Variants in CNTNAP2 observed in about 807,000 individuals in gnomAD.
CNTNAP2 encodes contactin associated protein 2, also known as contactin-associated protein-like 2.
Under a neutral mutation model 155.2 loss-of-function variants are expected in CNTNAP2, and 98 were observed. That is an observed-to-expected ratio of 0.63 (90% CI 0.54 to 0.75). The LOEUF (loss-of-function observed/expected upper bound fraction) is 0.75. Ranked by LOEUF, CNTNAP2 falls within the 30% of genes least tolerant of loss-of-function variation. The pLI, the probability that CNTNAP2 is intolerant of heterozygous loss-of-function variation, is 0.00. For missense variants in CNTNAP2, 1,727 were observed against 1,688.1 expected (o/e 1.02, Z -0.40); for synonymous variants, 651 against 631.2 (o/e 1.03, Z -0.47).
At chr7:146,696,456 A>G (rs905078396) in intron 1 of CNTNAP2, among the ~76,000 whole-genome samples, 8 of 152,128 alleles carry the variant, frequency 5.3e-5, no homozygotes, top group Admixed American at 6.6e-5. Flanking sequence ...ATTTTATTGA[A>G]CTTTTCAAAG....
At chr7:147,373,115 C>T (rs1796376228) in intron 9 of CNTNAP2, among the ~76,000 whole-genome samples, 1 of 152,026 alleles carries the variant, frequency 6.6e-6, no homozygotes, top group Admixed American at 6.6e-5. Flanking sequence ...TTTCAAAGGG[C>T]AATTAGCATT....
At chr7:146,206,123 AT>A (rs1218446141) in intron 1 of CNTNAP2, among the ~76,000 whole-genome samples, 1 of 151,970 alleles carries the variant, frequency 6.6e-6, no homozygotes, top group African/African-American at 2.4e-5. Flanking sequence ...GACAAAAATT[AT>A]AACATAAGTT....
chr7:147,981,945 A>G (rs761921983), intron 15 of CNTNAP2, among the ~76,000 whole-genome samples: 2 of 152,070 alleles, frequency 1.3e-5, no homozygotes, highest in African/African-American at 2.4e-5. Flanking sequence ...TGAAAATACA[A>G]ATCCCCCTCT....
chr7:146,624,843 C>T (rs1177189276), intron 1 of CNTNAP2, among the ~76,000 whole-genome samples: 1 of 151,912 alleles, frequency 6.6e-6, no homozygotes, highest in Non-Finnish European at 1.5e-5. Context: ...ATTGAGTCTT[C>T]CAAGTCATAA....
chr7:147,539,326 T>C (rs2116740420), intron 11 of CNTNAP2, among the ~76,000 whole-genome samples: 1 of 152,236 alleles, frequency 6.6e-6, no homozygotes, highest in South Asian at 2.1e-4. Context: ...TGAGATACAT[T>C]ATAGTGCTAT....
At chr7:147,311,227 G>C (rs1226129687) in intron 9 of CNTNAP2, among the ~76,000 whole-genome samples, 1 of 152,254 alleles carries the variant, frequency 6.6e-6, no homozygotes, top group East Asian at 1.9e-4. Context: ...TTCATCATGG[G>C]TTAGTTCAGG....
chr7:147,763,120 A>G (rs1797331374), intron 13 of CNTNAP2, among the ~76,000 whole-genome samples: 1 of 152,064 alleles, frequency 6.6e-6, no homozygotes, highest in Admixed American at 6.6e-5. Context: ...TTAGCCAAGC[A>G]TGGAGGCGCA....
chr7:146,571,670 G>A (rs983245694), intron 1 of CNTNAP2, among the ~76,000 whole-genome samples: 2 of 151,800 alleles, frequency 1.3e-5, no homozygotes, highest in Admixed American at 6.6e-5. Context: ...ATTCTACATC[G>A]AGTTCTGCAG....
At chr7:146,715,458 A>G (rs945816302) in intron 1 of CNTNAP2, among the ~76,000 whole-genome samples, 3 of 152,314 alleles carry the variant, frequency 2.0e-5, no homozygotes, top group Admixed American at 6.5e-5. Flanking sequence ...ATTGTCCAGC[A>G]TTATTTGTCT....
intron 8 of CNTNAP2, among the ~76,000 whole-genome samples, chr7:147,218,549 C>T (rs979256843): frequency 6.9e-6 from 1 of 145,102 alleles, no homozygotes; most frequent in Admixed American, 7.0e-5. Context: ...ATTTTAGGAT[C>T]TTCCAGCTAT....
rs576926134 is a variant in CNTNAP2 at position 147,345,228 on chromosome 7, C to A, written c.1498+44938C>A. Among the ~76,000 whole-genome samples the A allele has an allele frequency of 1.7e-3, 255 of 152,186 alleles. 2 individuals carry two copies. Among genetic ancestry groups the A allele is most frequent in the Non-Finnish European group, 3.1e-3 (211 of 67,986 alleles). On this transcript the variant is annotated intron_variant, in intron 9 of 23. Coordinates refer to ENST00000361727, the MANE Select transcript of CNTNAP2 (RefSeq NM_014141.6). The stretch of plus-strand genomic sequence containing the variant: ...TATTCTGAGTGGGTGGCATGTTAAA[C>A]CCACACAATTTTGTCATGTTTACTT...
intron 10 of CNTNAP2, among the ~76,000 whole-genome samples, chr7:147,471,996 A>C (rs995293677): frequency 6.6e-6 from 1 of 152,174 alleles, no homozygotes; most frequent in Admixed American, 6.5e-5. Context: ...GTATTTGAAA[A>C]AAAGAAGCAT....
chr7:148,123,659 G>T (rs981535025), intron 16 of CNTNAP2, among the ~76,000 whole-genome samples: 12 of 148,558 alleles, frequency 8.1e-5, no homozygotes, highest in African/African-American at 3.0e-4. Context: ...AAGGAAGGAA[G>T]GAAGGAAGGA....
intron 8 of CNTNAP2, among the ~76,000 whole-genome samples, chr7:147,145,062 A>G (rs1801674018): frequency 6.6e-6 from 1 of 152,254 alleles, no homozygotes; most frequent in Non-Finnish European, 1.5e-5. Flanking sequence ...AGTCAGAATT[A>G]TAGCTCATCT....
At chr7:148,113,713 A>C (rs1490710278) in intron 15 of CNTNAP2, among the ~76,000 whole-genome samples, 1 of 152,120 alleles carries the variant, frequency 6.6e-6, no homozygotes, top group Non-Finnish European at 1.5e-5. Context: ...TCCTCTTGCC[A>C]CACGTGATGA....
intron 8 of CNTNAP2, among the ~76,000 whole-genome samples, chr7:147,297,690 A>G (rs1794859288): frequency 6.6e-6 from 1 of 152,220 alleles, no homozygotes; most frequent in South Asian, 2.1e-4. Context: ...GAAAGCTGTT[A>G]TAGGGAATAG....
intron 11 of CNTNAP2, among the ~76,000 whole-genome samples, chr7:147,492,258 C>A (rs1798622375): frequency 6.6e-6 from 1 of 152,144 alleles, no homozygotes; most frequent in Non-Finnish European, 1.5e-5. Context: ...GTTTCAGGAT[C>A]CTATGAGAAT....
chr7:146,779,868 A>C (rs529434302), intron 2 of CNTNAP2, among the ~76,000 whole-genome samples: 1 of 152,350 alleles, frequency 6.6e-6, no homozygotes, highest in Admixed American at 6.5e-5. Flanking sequence ...CATAATTAAT[A>C]ATCACTTATC....
At chr7:146,638,008 A>G (rs1799627599) in intron 1 of CNTNAP2, among the ~76,000 whole-genome samples, 1 of 152,324 alleles carries the variant, frequency 6.6e-6, no homozygotes. Flanking sequence ...CCTTGTATCT[A>G]GTCATATGTG....
Sources: gnomAD v4.1 joint callset for allele counts (sites outside exome capture counted in the v4.1 genomes callset) on GRCh38, gnomAD v4.1.1 for gene constraint, MANE v1.5 for transcripts, NCBI Gene and HGNC (gene_info 2026-07-23, HGNC 2026-07-21) for gene names.